TYW1B: variants seen among roughly 807,000 people sequenced by gnomAD.
The protein encoded by TYW1B is S-adenosyl-L-methionine-dependent tRNA 4-demethylwyosine synthase TYW1B.
A neutral mutation model predicts 86.9 loss-of-function variants in TYW1B; 73 were observed. The ratio of observed to expected loss-of-function variants is 0.84; its 90% CI spans 0.70 to 1.02. The LOEUF (loss-of-function observed/expected upper bound fraction) is 1.02. TYW1B is among the 50% of genes least tolerant of loss of function. TYW1B has a pLI of 0.00. For missense variants in TYW1B, 637 were observed against 827.4 expected (o/e 0.77, Z 2.82); for synonymous variants, 248 against 292.8 (o/e 0.85, Z 1.56).
chr7:72,809,344 C>A (rs1456037281), intron 4 of TYW1B, among the ~76,000 whole-genome samples: 1 of 152,026 alleles, frequency 6.6e-6, no homozygotes, highest in African/African-American at 2.4e-5. Flanking sequence ...CAGGCCCAGC[C>A]GAAAAATTCA....
chr7:72,689,270 AT>A (rs1814082456), intron 11 of TYW1B, among the ~76,000 whole-genome samples: 2 of 152,150 alleles, frequency 1.3e-5, no homozygotes, highest in African/African-American at 4.8e-5. Flanking sequence ...AAGAAGATAT[AT>A]TTCATCGACT....
rs188878861 is a variant in TYW1B, at chr7:72,753,748, A to C, written c.965-9147T>G. ...CCCATCTCAGCCTCCCAAAGTGCTG[A>C]GATTACAGGCGTGAGCCACTGCGTC... On this transcript the variant is annotated intron_variant, in intron 7 of 13. Transcript: ENST00000620995. 4.6e-3 allele frequency among the ~76,000 whole-genome samples: 696 copies of C among 152,122 alleles called. 6 individuals carry two copies. Among genetic ancestry groups the C allele is most frequent in the African/African-American group, 0.015 (604 of 41,500 alleles).
At chr7:72,728,294 GC>G (rs1397475705) in intron 9 of TYW1B, among the ~76,000 whole-genome samples, 1 of 152,124 alleles carries the variant, frequency 6.6e-6, no homozygotes, top group Non-Finnish European at 1.5e-5. Context: ...ATTATAAGTT[GC>G]TAAACTTTTT....
intron 12 of TYW1B, among the ~76,000 whole-genome samples, chr7:72,617,286 C>G (rs1321115433): frequency 1.3e-5 from 2 of 152,152 alleles, no homozygotes; most frequent in Admixed American, 1.3e-4. Flanking sequence ...ATAAGCTGAG[C>G]TTCCATTTTC....
At chr7:72,591,729 T>A (rs1468989646) in intron 13 of TYW1B, among the ~76,000 whole-genome samples, 1 of 152,190 alleles carries the variant, frequency 6.6e-6, no homozygotes, top group African/African-American at 2.4e-5. Context: ...TGAAGCTGCA[T>A]GAAGAAGTAA....
At chr7:72,578,066 G>A (rs1192588739) in intron 13 of TYW1B, among the ~76,000 whole-genome samples, 6 of 150,694 alleles carry the variant, frequency 4.0e-5, no homozygotes, top group Non-Finnish European at 7.4e-5. Flanking sequence ...CCTTAACAAC[G>A]TATGCCGTCA....
chr7:72,761,097 C>T (rs1032920765), intron 7 of TYW1B, among the ~76,000 whole-genome samples: 3 of 151,998 alleles, frequency 2.0e-5, no homozygotes, highest in African/African-American at 7.2e-5. Context: ...GGGATAAATG[C>T]TTATAAATGA....
chr7:72,791,838 A>G (rs1307423965), intron 6 of TYW1B, among the ~76,000 whole-genome samples: 3 of 152,180 alleles, frequency 2.0e-5, no homozygotes, highest in African/African-American at 7.2e-5. Flanking sequence ...GTCTTCCCTT[A>G]GCTGATTTTC....
rs56806378 is a variant in TYW1B, at chr7:72,734,268, A to AAAAAAAAAAAC, written c.1083-5338_1083-5337insGTTTTTTTTTT. Among the ~76,000 whole-genome samples, 18 of 98,074 alleles carry AAAAAAAAAAAC rather than the reference A, an allele frequency of 1.8e-4. 1 individual carries two copies. The highest frequency in any genetic ancestry group is 3.2e-4 in the African/African-American group (9 of 28,204). The allele number at this position is 98,074 out of a possible 152,430, so 64.3% of individuals were successfully genotyped here. Reference sequence around the variant, plus strand: ...TTAAAACTCCATCTCAAAAAAAAAAAACACAACAAAAAAACTATAAACCTA... The same window carrying AAAAAAAAAAAC: ...TTAAAACTCCATCTCAAAAAAAAAAAAAAAAAAAAACACACAACAAAAAAACTATAAACCTA... On this transcript the variant is annotated intron_variant, in intron 8 of 13. Coordinates refer to ENST00000620995, the MANE Select transcript of TYW1B (RefSeq NM_001145440.3).
intron 6 of TYW1B, among the ~76,000 whole-genome samples, chr7:72,778,295 G>A (rs1315403003): frequency 1.3e-5 from 2 of 152,196 alleles, no homozygotes; most frequent in Non-Finnish European, 2.9e-5. Context: ...AACACCTGAT[G>A]TACAATAGGC....
intron 11 of TYW1B, among the ~76,000 whole-genome samples, chr7:72,681,962 C>CCG (rs1344756674): frequency 6.6e-6 from 1 of 151,882 alleles, no homozygotes; most frequent in African/African-American, 2.4e-5. Context: ...ACTGCAACCT[C>CCG]CGCCTCCCGG....
chr7:72,826,618 T>C (rs1788934762), intron 2 of TYW1B, among the ~76,000 whole-genome samples: 1 of 152,204 alleles, frequency 6.6e-6, no homozygotes, highest in Non-Finnish European at 1.5e-5. Context: ...AGGTTCACTT[T>C]TCATTACAAA....
intron 11 of TYW1B, among the ~76,000 whole-genome samples, chr7:72,661,340 G>A (rs1251708669): frequency 6.6e-5 from 10 of 151,378 alleles, no homozygotes; most frequent in Admixed American, 1.3e-4. Flanking sequence ...TTTCAAGCAC[G>A]AAATTCTCTG....
intron 13 of TYW1B, among the ~76,000 whole-genome samples, chr7:72,601,220 A>G (rs1439217412): frequency 6.6e-6 from 1 of 152,224 alleles, no homozygotes; most frequent in East Asian, 1.9e-4. Flanking sequence ...ACATCATAAC[A>G]CAAAATACAC....
chr7:72,637,214 C>T (rs1349940802), intron 11 of TYW1B, among the ~76,000 whole-genome samples: 5 of 151,954 alleles, frequency 3.3e-5, no homozygotes, highest in African/African-American at 1.2e-4. Flanking sequence ...GTTAGTTCTC[C>T]TGATGACTGG....
intron 6 of TYW1B, among the ~76,000 whole-genome samples, chr7:72,780,129 A>G (rs1375303066): frequency 6.6e-6 from 1 of 152,192 alleles, no homozygotes; most frequent in Non-Finnish European, 1.5e-5. Context: ...TTAAAATAGA[A>G]GGAATCCTTT....
chr7:72,588,021 T>C (rs1811313820), intron 13 of TYW1B, among the ~76,000 whole-genome samples: 1 of 152,182 alleles, frequency 6.6e-6, no homozygotes, highest in Non-Finnish European at 1.5e-5. Flanking sequence ...GCTACAACTG[T>C]ATAGTTTCTT....
chr7:72,687,281 C>A (rs1253680169), intron 11 of TYW1B, among the ~76,000 whole-genome samples: 1 of 152,028 alleles, frequency 6.6e-6, no homozygotes, highest in African/African-American at 2.4e-5. Context: ...ACTAAAAATA[C>A]AAAATTAGCT....
chr7:72,624,478 A>G (rs1812293781), intron 12 of TYW1B, among the ~76,000 whole-genome samples: 2 of 152,254 alleles, frequency 1.3e-5, no homozygotes, highest in East Asian at 1.9e-4. Flanking sequence ...GGAACTGCAT[A>G]ATAAATATTA....
Sources: gnomAD v4.1 joint callset for allele counts (sites outside exome capture counted in the v4.1 genomes callset) on GRCh38, gnomAD v4.1.1 for gene constraint, MANE v1.5 for transcripts, NCBI Gene and HGNC (gene_info 2026-07-23, HGNC 2026-07-21) for gene names.